AFG2A: variants seen among roughly 807,000 people sequenced by gnomAD.
AFG2A encodes the protein AAA ATPase AFG2A.
At chr4:123,114,256 C>G in the AFG2A span, among the ~76,000 whole-genome samples, 2 of 152,130 alleles carry the variant, frequency 1.3e-5, no homozygotes, top group African/African-American at 2.4e-5. Flanking sequence ...CACTCTGGTC[C>G]GCAGGGCTGG....
At chr4:123,295,016 C>T in the AFG2A span, among the ~76,000 whole-genome samples, 2 of 152,222 alleles carry the variant, frequency 1.3e-5, no homozygotes, top group African/African-American at 4.8e-5. Context: ...CCCATGATTG[C>T]TGCTTCTGAC....
chr4:123,169,787 A>T, the AFG2A span, among the ~76,000 whole-genome samples: 1 of 152,048 alleles, frequency 6.6e-6, no homozygotes, highest in African/African-American at 2.4e-5. Flanking sequence ...GGCCTGTTCT[A>T]TATTATTTTA....
the AFG2A span, among the ~76,000 whole-genome samples, chr4:123,285,800 C>G: frequency 1.3e-5 from 2 of 152,094 alleles, no homozygotes; most frequent in Non-Finnish European, 2.9e-5. Context: ...TACCTAAAGG[C>G]TTTCAAATCA....
the AFG2A span, among the ~76,000 whole-genome samples, chr4:123,177,821 G>A: frequency 2.2e-4 from 33 of 152,178 alleles, no homozygotes; most frequent in African/African-American, 7.5e-4. Flanking sequence ...ACCACATTGA[G>A]CCGCATGGCC....
chr4:123,259,032 A>G, the AFG2A span, among the ~76,000 whole-genome samples: 2 of 151,546 alleles, frequency 1.3e-5, no homozygotes, highest in Non-Finnish European at 2.9e-5. Context: ...ACGCCCAGCT[A>G]ATTTTTGTAT....
the AFG2A span, among the ~76,000 whole-genome samples, chr4:123,276,494 C>G: frequency 2.6e-5 from 4 of 152,290 alleles, no homozygotes; most frequent in African/African-American, 9.6e-5. Context: ...AATTAAGTCC[C>G]ATTTGTCAAT....
chr4:123,081,978 C>A, the AFG2A span, among the ~76,000 whole-genome samples: 2 of 151,972 alleles, frequency 1.3e-5, no homozygotes, highest in African/African-American at 4.8e-5. Flanking sequence ...ATTTTTTAAT[C>A]TGCTTGTTTT....
chr4:123,147,496 T>C, the AFG2A span, among the ~76,000 whole-genome samples: 1 of 152,188 alleles, frequency 6.6e-6, no homozygotes, highest in African/African-American at 2.4e-5. Context: ...TTCTCAGTAG[T>C]TACAATTAAA....
chr4:123,086,877 CTAGCATTTCTTTTTTA>C, the AFG2A span, among the ~76,000 whole-genome samples: 12 of 152,128 alleles, frequency 7.9e-5, no homozygotes, highest in African/African-American at 2.9e-4. Flanking sequence ...TTTTTGATCT[CTAGCATTTCTTTTTTA>C]TAGCATTTCT....
chr4:122,996,240 A>G, the AFG2A span, among the ~76,000 whole-genome samples: 3 of 152,138 alleles, frequency 2.0e-5, no homozygotes, highest in Non-Finnish European at 4.4e-5. Flanking sequence ...AGATCCTGTA[A>G]TGTGTACACC....
chr4:123,211,769 G>A, the AFG2A span, among the ~76,000 whole-genome samples: 1 of 151,980 alleles, frequency 6.6e-6, no homozygotes, highest in African/African-American at 2.4e-5. Context: ...TTGTCCACCT[G>A]CTTCCTGGAC....
chr4:123,003,777 G>A, the AFG2A span, among the ~76,000 whole-genome samples: 1 of 152,106 alleles, frequency 6.6e-6, no homozygotes, highest in Non-Finnish European at 1.5e-5. Flanking sequence ...ACTTGAGGAG[G>A]CAGTCTGCCT....
At chr4:123,133,661 A>G in the AFG2A span, among the ~76,000 whole-genome samples, 2 of 152,102 alleles carry the variant, frequency 1.3e-5, no homozygotes, top group Non-Finnish European at 2.9e-5. Context: ...TCTTTGGGTA[A>G]CCTAGACATT....
chr4:123,151,909 A>G, the AFG2A span, among the ~76,000 whole-genome samples: 4 of 152,222 alleles, frequency 2.6e-5, no homozygotes, highest in Non-Finnish European at 5.9e-5. Flanking sequence ...GAAATAAAGA[A>G]AATGTGGCAC....
the AFG2A span, among the ~76,000 whole-genome samples, chr4:123,183,705 AT>A: frequency 0.022 from 3,282 of 152,156 alleles, 65 homozygotes; most frequent in Non-Finnish European, 0.035. Flanking sequence ...AGAGTATAAA[AT>A]TTTTTTATGT....
At chr4:123,180,487 G>T in the AFG2A span, among the ~76,000 whole-genome samples, 1 of 152,064 alleles carries the variant, frequency 6.6e-6, no homozygotes, top group African/African-American at 2.4e-5. Flanking sequence ...AGTGTGATTT[G>T]TTTTTGTGAG....
the AFG2A span, chr4:122,947,604 T>C: frequency 8.0e-7 from 1 of 1,251,206 alleles, no homozygotes; most frequent in Non-Finnish European, 1.0e-6. Flanking sequence ...TTTCTAATTA[T>C]AAAATGTGTA....
At chr4:123,235,050 C>A in the AFG2A span, among the ~76,000 whole-genome samples, 1 of 152,068 alleles carries the variant, frequency 6.6e-6, no homozygotes, top group African/African-American at 2.4e-5. Context: ...TCATCATTGT[C>A]ATTGTCTGGA....
At chr4:123,066,825 T>G in the AFG2A span, among the ~76,000 whole-genome samples, 1 of 152,200 alleles carries the variant, frequency 6.6e-6, no homozygotes, top group Non-Finnish European at 1.5e-5. Flanking sequence ...AAACAAATGC[T>G]GAGGAAAACA....
Sources: allele counts gnomAD v4.1 joint callset (sites outside exome capture counted in the v4.1 genomes callset), GRCh38; gene constraint gnomAD v4.1.1; transcripts MANE v1.5; gene names NCBI Gene and HGNC (gene_info 2026-07-23, HGNC 2026-07-21).